Variants in HSPA4L observed in about 807,000 individuals in gnomAD.
The protein encoded by HSPA4L is heat shock 70 kDa protein 4L.
Under a neutral mutation model 100.3 loss-of-function variants are expected in HSPA4L, and 48 were observed. The ratio of observed to expected loss-of-function variants is 0.48; its 90% confidence interval spans 0.38 to 0.61. The LOEUF is 0.61. Among genes scored for constraint, HSPA4L ranks in the 20% least tolerant of loss-of-function variants. The pLI is 0.00. For synonymous variants in HSPA4L, 319 were observed against 328.2 expected (o/e 0.97, Z 0.30); for missense variants, 886 against 988.6 (o/e 0.90, Z 1.39).
chr4:127,800,287 C>T (rs182478001), intron 4 of HSPA4L, among the ~76,000 whole-genome samples: 33 of 152,056 alleles, frequency 2.2e-4, no homozygotes, highest in African/African-American at 7.7e-4. Flanking sequence ...TAGTGAGACC[C>T]GTCTCTACAG....
intron 8 of HSPA4L, 72 bp downstream of exon 8, chr4:127,804,159 A>C: frequency 8.4e-7 from 1 of 1,187,856 alleles, no homozygotes; most frequent in Non-Finnish European, 1.2e-6. Context: ...GATAATGATA[A>C]AATAAATTTT....
chr4:127,828,954 G>GAACT (rs1468787921), intron 17 of HSPA4L, among the ~76,000 whole-genome samples: 1 of 152,128 alleles, frequency 6.6e-6, no homozygotes, highest in Non-Finnish European at 1.5e-5. Flanking sequence ...CTAGATGACT[G>GAACT]AACTATATTG....
chr4:127,800,977 A>G (rs1733158355), intron 4 of HSPA4L, among the ~76,000 whole-genome samples, 161 bp from the exon 5 acceptor site: 1 of 152,232 alleles, frequency 6.6e-6, no homozygotes, highest in African/African-American at 2.4e-5. Flanking sequence ...TATGGTATAG[A>G]AATTGTCAAA....
intron 10 of HSPA4L, among the ~76,000 whole-genome samples, chr4:127,807,219 T>G (rs923587059): frequency 1.3e-5 from 2 of 152,026 alleles, no homozygotes; most frequent in Non-Finnish European, 1.5e-5. Context: ...TATTAAAGAT[T>G]GGTTTCTGGG....
At chr4:127,803,409 T>C (rs546781995) in intron 6 of HSPA4L, among the ~76,000 whole-genome samples, 33 of 152,274 alleles carry the variant, frequency 2.2e-4, no homozygotes, top group African/African-American at 7.2e-4. Flanking sequence ...TTATGATATA[T>C]GGATCTGTAA....
At position 127,803,746 on chromosome 4, in the gene HSPA4L, C is replaced by CG; in HGVS notation, c.784dup (p.Ala262GlyfsTer10). On this transcript the variant is annotated frameshift_variant, in exon 7 of 19. Transcript: ENST00000296464. LOFTEE classifies it high-confidence loss of function. ...TAAGATAAATGTGAAAGAAAACTCTCGGGCCTTGTTGCGTTTATATCAGGA... is the reference window on the plus strand; with the variant it reads ...TAAGATAAATGTGAAAGAAAACTCTCGGGGCCTTGTTGCGTTTATATCAGGA... 1 of 1,613,846 alleles carries CG rather than the reference C, an allele frequency of 6.2e-7. No homozygotes were observed. Among genetic ancestry groups the CG allele is most frequent in the Middle Eastern group, 1.7e-4 (1 of 6,060 alleles).
chr4:127,807,612 A>T (rs1432883775), intron 10 of HSPA4L, among the ~76,000 whole-genome samples: 1 of 152,134 alleles, frequency 6.6e-6, no homozygotes, highest in Non-Finnish European at 1.5e-5. Context: ...AATTATTTGC[A>T]AACAAAAGTT....
chr4:127,825,640 C>T (rs1386011321), intron 16 of HSPA4L, among the ~76,000 whole-genome samples: 2 of 152,052 alleles, frequency 1.3e-5, no homozygotes. Context: ...GAAACACAAG[C>T]CAGCCAGGTG....
intron 18 of HSPA4L, among the ~76,000 whole-genome samples, chr4:127,831,518 AAAAAAG>A (rs1205905574): frequency 3.3e-5 from 5 of 151,534 alleles, no homozygotes; most frequent in Admixed American, 3.3e-4. Context: ...AAAAAAAAAA[AAAAAAG>A]GAAGCAATCT....
At position 127,819,560 on chromosome 4, in the gene HSPA4L, T is replaced by G. The variant is rs77622445; in HGVS notation, c.1675-868T>G. 9.5e-4 allele frequency among the ~76,000 whole-genome samples: 145 copies of G among 152,316 alleles called. 2 individuals carry two copies. Among genetic ancestry groups the G allele is most frequent in the African/African-American group, 3.3e-3 (139 of 41,574 alleles). On this transcript the variant is annotated intron_variant, in intron 13 of 18. Coordinates refer to ENST00000296464, the MANE Select transcript of HSPA4L (RefSeq NM_014278.4). ...TTGTACAGTTTTTAGTATATTCAGT[T>G]GTGCAACCATCATCACAATTTTAGA...
intron 9 of HSPA4L, 130 bp from the exon 10 acceptor site, chr4:127,805,557 T>C (rs957049464): frequency 3.2e-6 from 2 of 625,856 alleles, no homozygotes; most frequent in African/African-American, 3.7e-5. Context: ...TCACTTCTCA[T>C]TGCCAAAAAC....
rs1226366614 is a variant in HSPA4L at position 127,840,606 on chromosome 4, TGTAA to T, written c.*7737_*7740del. On this transcript the variant is annotated 3_prime_UTR_variant, in exon 19 of 19. Transcript: ENST00000296464. ...ATCAAAGCATATAAAATATTTTCTA[TGTAA>T]GTAAATTGCATCTTTATGCTAGTGA... is the stretch of plus-strand genomic sequence containing the variant. 2 of 152,224 alleles carry T rather than the reference TGTAA, an allele frequency of 1.3e-5. No homozygotes were observed. Among genetic ancestry groups the T allele is most frequent in the Non-Finnish European group, 2.9e-5 (2 of 68,036 alleles). 9.4% of individuals were successfully genotyped at this position (152,224 alleles called of 1,614,324 possible). A position where few individuals can be genotyped will look rare whatever the true frequency, so the allele number is the denominator to read the frequency against.
chr4:127,791,769 T>C (rs939957303), intron 1 of HSPA4L, among the ~76,000 whole-genome samples: 2 of 152,168 alleles, frequency 1.3e-5, no homozygotes, highest in African/African-American at 4.8e-5. Flanking sequence ...AAAATCTTAT[T>C]TCCTTGGGTA....
chr4:127,801,794 C>A lies in HSPA4L; in HGVS notation c.539C>A (p.Ala180Glu). The A allele has an allele frequency of 1.2e-6, 2 of 1,604,762 alleles. No individual in the cohort carries two copies. Among genetic ancestry groups the A allele is most frequent in the Middle Eastern group, 1.7e-4 (1 of 6,010 alleles). ...CTTTGTTCTTATACAGTTGCACTGG[C>A]GTATGGAATTTATAAACAGGATCTT... is the stretch of plus-strand genomic sequence containing the variant. ...LMNETTAVAL[A>E]YGIYKQDLPP... The change falls in exon 6 of 19, where the codon GCG (alanine) becomes GAG (glutamate). Residue 180 changes from alanine to glutamate, a missense_variant. Transcript: ENST00000296464.
chr4:127,801,858 T>C lies in HSPA4L; in HGVS notation c.603T>C (p.Ile201=). The C allele has an allele frequency of 6.2e-7, 1 of 1,610,862 alleles. No individual in the cohort carries two copies. The highest frequency in any genetic ancestry group is 8.5e-7 in the Non-Finnish European group (1 of 1,178,046). ...LDEKPRNVVF[I]DMGHSAYQVL... ...AGAAACCAAGAAATGTAGTATTTAT[T>C]GATATGGGACATTCTGCCTATCAGG... The change falls in exon 6 of 19, where the codon ATT becomes ATC. Residue 201 remains isoleucine (I), a synonymous_variant. Transcript: ENST00000296464.
intron 11 of HSPA4L, 60 bp downstream of exon 11, chr4:127,808,189 A>G: frequency 7.4e-7 from 1 of 1,358,116 alleles, no homozygotes; most frequent in African/African-American, 1.5e-5. Context: ...GTGTTATTTT[A>G]GAATCAAGGA....
chr4:127,821,524 TATAA>T (rs1469123399), intron 14 of HSPA4L, among the ~76,000 whole-genome samples: 1 of 152,170 alleles, frequency 6.6e-6, no homozygotes, highest in Non-Finnish European at 1.5e-5. Flanking sequence ...AACTAACATC[TATAA>T]ATACTTTTTA....
At chr4:127,816,964 G>A (rs1336703713) in intron 12 of HSPA4L, among the ~76,000 whole-genome samples, 5 of 152,150 alleles carry the variant, frequency 3.3e-5, no homozygotes, top group Admixed American at 3.3e-4. Flanking sequence ...AAAAATTAGA[G>A]TTAATAACTC....
chr4:127,787,549 C>T (rs1002692540), intron 1 of HSPA4L, among the ~76,000 whole-genome samples: 1 of 152,078 alleles, frequency 6.6e-6, no homozygotes, highest in Non-Finnish European at 1.5e-5. Context: ...AGCAGAATTA[C>T]ATTACATTCT....
Sources: gnomAD v4.1 joint callset for allele counts (sites outside exome capture counted in the v4.1 genomes callset) on GRCh38, gnomAD v4.1.1 for gene constraint, MANE v1.5 for transcripts, NCBI Gene and HGNC (gene_info 2026-07-23, HGNC 2026-07-21) for gene names.